NDUFAF6: variants seen among roughly 807,000 people sequenced by gnomAD.
NDUFAF6 encodes NADH dehydrogenase (ubiquinone) complex I, assembly factor 6.
NDUFAF6 carries 45 observed loss-of-function variants against 40.8 expected under a neutral mutation model. The observed-to-expected ratio is 1.10, with a 90% CI of 0.87 to 1.42. The LOEUF is 1.42. Among genes scored for constraint, NDUFAF6 ranks in the 40% most tolerant of loss-of-function variants. The pLI is 0.00. For synonymous variants in NDUFAF6, 185 were observed against 155.9 expected (o/e 1.19, Z -1.39); for missense variants, 435 against 418.5 (o/e 1.04, Z -0.34).
chr8:95,055,548 T>C (rs1336723526), intron 8 of NDUFAF6, among the ~76,000 whole-genome samples: 2 of 152,136 alleles, frequency 1.3e-5, no homozygotes, highest in Non-Finnish European at 2.9e-5. Context: ...TAATTAAATG[T>C]CATAAAGCTA....
downstream of NDUFAF6, among the ~76,000 whole-genome samples, chr8:95,106,149 C>T (rs978121353): frequency 6.6e-6 from 1 of 151,982 alleles, no homozygotes; most frequent in Admixed American, 6.6e-5. Context: ...GTGGCAGGCA[C>T]CTGTGGTCCC....
intron 2 of NDUFAF6, among the ~76,000 whole-genome samples, chr8:94,952,528 A>G (rs1458282001): frequency 1.3e-5 from 2 of 152,244 alleles, no homozygotes; most frequent in African/African-American, 2.4e-5. Context: ...TAGATAAACA[A>G]TCACTTAGCA....
intron 1 of NDUFAF6, among the ~76,000 whole-genome samples, chr8:94,973,405 A>G (rs563633980): frequency 3.3e-5 from 5 of 152,264 alleles, no homozygotes; most frequent in Admixed American, 6.5e-5. Flanking sequence ...ATGCCCAACT[A>G]TGAATCAGAA....
rs561736951 is a variant in NDUFAF6 at position 95,002,364 on chromosome 8, A to C, written c.-84+21391A>C. Among the ~76,000 whole-genome samples the C allele has an allele frequency of 2.0e-5, 3 of 152,364 alleles. No homozygotes were observed. The South Asian group carries it at 6.2e-4, about 32-fold the overall frequency. ...CTGTGAGCCCTCAAGAGCAGAAATG[A>C]GTCTCACCTCTCTTTCTCTTTTTTC... On this transcript the variant is annotated intron_variant, in intron 2 of 9. Transcript: ENST00000396111.
intron 8 of NDUFAF6, 52 bp downstream of exon 8, chr8:95,052,282 ATC>A: frequency 6.4e-7 from 1 of 1,558,498 alleles, no homozygotes; most frequent in Non-Finnish European, 8.9e-7. Context: ...GATGTGTATG[ATC>A]TGTTTTTATA....
At chr8:95,114,898 G>C (rs1446186769) in intron 4 of NDUFAF6, among the ~76,000 whole-genome samples, 2 of 152,110 alleles carry the variant, frequency 1.3e-5, no homozygotes, top group Non-Finnish European at 2.9e-5. Flanking sequence ...AATAATACGT[G>C]AAAGCGTCTC....
At chr8:95,010,758 T>C (rs4323442) in intron 2 of NDUFAF6, among the ~76,000 whole-genome samples, 22,703 of 152,160 alleles carry the variant, frequency 0.15, 1,749 homozygotes, top group Middle Eastern at 0.25. Context: ...TGTTAAAGTT[T>C]AGCAGTTTCA....
intron 1 of NDUFAF6, among the ~76,000 whole-genome samples, chr8:94,963,047 T>C (rs1823727968): frequency 6.6e-6 from 1 of 151,868 alleles, no homozygotes. Flanking sequence ...TGCCTCGGCC[T>C]CCCAAAGTGC....
Position 95,083,134 on chromosome 8 carries a change from C to A in NDUFAF6, n.213+7382C>A, listed in dbSNP as rs184932133. Among the ~76,000 whole-genome samples the A allele has an allele frequency of 3.1e-3, 478 of 152,288 alleles. 3 individuals are homozygous for A. Among genetic ancestry groups the A allele is most frequent in the Non-Finnish European group, 5.8e-3 (392 of 68,024 alleles). On this transcript the variant is annotated intron_variant and non_coding_transcript_variant, in intron 2 of 5. Coordinates refer to the NDUFAF6 transcript ENST00000523184. ...TATCTGTCTTTGTTTTTACATTTAA[C>A]TTTTCAATCTAAATGGAATTAATTT...
chr8:95,053,416 T>G (rs1831671112), intron 8 of NDUFAF6, among the ~76,000 whole-genome samples: 1 of 152,188 alleles, frequency 6.6e-6, no homozygotes, highest in Non-Finnish European at 1.5e-5. Flanking sequence ...CTGTTTAACA[T>G]ACTAAGTAAG....
chr8:95,065,255 T>C (rs569303543), intron 9 of NDUFAF6, among the ~76,000 whole-genome samples: 2 of 152,252 alleles, frequency 1.3e-5, no homozygotes, highest in Admixed American at 6.5e-5. Context: ...GTATGGGAAA[T>C]AGGGAGCAGT....
chr8:95,083,454 T>C (rs1053533179), intron 2 of NDUFAF6, among the ~76,000 whole-genome samples: 6 of 152,234 alleles, frequency 3.9e-5, no homozygotes, highest in Non-Finnish European at 8.8e-5. Context: ...CACATTATTC[T>C]TGAATGTTAA....
chr8:95,029,209 G>A (rs9297951), intron 1 of NDUFAF6, among the ~76,000 whole-genome samples: 22,197 of 152,190 alleles, frequency 0.15, 1,629 homozygotes, highest in Middle Eastern at 0.24. Context: ...AGGTTCCAAT[G>A]TATTAAAGTA....
intron 1 of NDUFAF6, among the ~76,000 whole-genome samples, chr8:94,905,428 C>T (rs1177514966): frequency 6.6e-6 from 1 of 151,994 alleles, no homozygotes; most frequent in East Asian, 1.9e-4. Context: ...TGATTCTCAG[C>T]TCGAGGGCTC....
At chr8:95,084,702 A>C (rs982526056) in intron 2 of NDUFAF6, among the ~76,000 whole-genome samples, 1 of 152,228 alleles carries the variant, frequency 6.6e-6, no homozygotes, top group African/African-American at 2.4e-5. Context: ...TAGATGGCAA[A>C]TGCTAAATAA....
At chr8:95,024,089 G>A (rs1169205338), upstream of NDUFAF6, among the ~76,000 whole-genome samples, 2 of 152,206 alleles carry the variant, frequency 1.3e-5, no homozygotes, top group African/African-American at 2.4e-5. Flanking sequence ...GAAAGGTCAG[G>A]TTTACATTGA....
intron 2 of NDUFAF6, among the ~76,000 whole-genome samples, chr8:94,998,101 A>C (rs1240292005): frequency 6.6e-6 from 1 of 151,932 alleles, no homozygotes; most frequent in Non-Finnish European, 1.5e-5. Flanking sequence ...GAAAATAAAG[A>C]CTCTTTTAAA....
At chr8:95,029,265 T>C (rs1353804591) in intron 1 of NDUFAF6, among the ~76,000 whole-genome samples, 1 of 152,318 alleles carries the variant, frequency 6.6e-6, no homozygotes, top group Non-Finnish European at 1.5e-5. Flanking sequence ...GTGAATATGG[T>C]AAGGTCTATA....
chr8:95,091,222 C>A (rs556169408), intron 2 of NDUFAF6, among the ~76,000 whole-genome samples: 2 of 152,122 alleles, frequency 1.3e-5, no homozygotes, highest in African/African-American at 4.8e-5. Flanking sequence ...TTAATTGACT[C>A]ACAGTTCCAC....
Sources: gnomAD v4.1 joint callset for allele counts (sites outside exome capture counted in the v4.1 genomes callset) on GRCh38, gnomAD v4.1.1 for gene constraint, MANE v1.5 for transcripts, NCBI Gene and HGNC (gene_info 2026-07-23, HGNC 2026-07-21) for gene names.